Variants in AFAP1L2 observed in about 807,000 individuals in gnomAD.
The protein encoded by AFAP1L2 is actin filament associated protein 1 like 2, also known as actin filament-associated protein 1-like 2.
AFAP1L2 carries 46 observed loss-of-function variants against 99.3 expected under a neutral mutation model. The ratio of observed to expected loss-of-function variants is 0.46; its 90% CI spans 0.37 to 0.59. AFAP1L2 has a LOEUF of 0.59. Ranked by LOEUF, AFAP1L2 falls within the 20% of genes least tolerant of loss-of-function variation. AFAP1L2 has a pLI of 0.00. For synonymous variants in AFAP1L2, 397 were observed against 419.1 expected (o/e 0.95, Z 0.64); for missense variants, 959 against 1,034.9 (o/e 0.93, Z 1.01).
At chr10:114,349,331 T>A (rs1283716240) in intron 1 of AFAP1L2, among the ~76,000 whole-genome samples, 1 of 139,054 alleles carries the variant, frequency 7.2e-6, no homozygotes, top group African/African-American at 2.7e-5. Flanking sequence ...TGAGCCGAGA[T>A]CGCACCATTG....
chr10:114,386,540 C>A (rs1159109536), intron 1 of AFAP1L2, among the ~76,000 whole-genome samples: 1 of 152,168 alleles, frequency 6.6e-6, no homozygotes, highest in Non-Finnish European at 1.5e-5. Context: ...AGAATCAGGG[C>A]CGACAGGTGG....
At chr10:114,365,371 A>G (rs2053067920) in intron 1 of AFAP1L2, among the ~76,000 whole-genome samples, 1 of 152,234 alleles carries the variant, frequency 6.6e-6, no homozygotes, top group South Asian at 2.1e-4. Context: ...TAAATGAGGC[A>G]CCAAACTCCC....
In AFAP1L2 at chr10:114,314,024, G is replaced by T; in HGVS notation, c.639C>A (p.Ser213Arg). The part of the protein sequence containing the change: ...LLCYKSSKDH[S>R]PQLDVNLLGS... ...CCAGTAGGTTCACGTCCAGCTGAGGGCTGTGGTCCTTGGAGGATTTGTAGC... is the reference window on the plus strand; with the variant it reads ...CCAGTAGGTTCACGTCCAGCTGAGGTCTGTGGTCCTTGGAGGATTTGTAGC... Residue 213 changes from serine (S) to arginine (R), a missense_variant, in exon 7 of 19, where the codon AGC becomes AGA. This residue lies in a region of AFAP1L2 where 383 missense variants were observed against 472.8 expected (regional missense o/e 0.81). Transcript: ENST00000304129. The T allele has an allele frequency of 2.5e-6, 4 of 1,613,250 alleles. No homozygotes were observed. The highest frequency in any genetic ancestry group is 3.4e-6 in the Non-Finnish European group (4 of 1,179,348).
chr10:114,340,566 C>T lies in AFAP1L2; in HGVS notation c.145+37G>A, dbSNP rs189197711. The T allele has an allele frequency of 6.0e-5, 96 of 1,595,360 alleles. No homozygotes were observed. In the Admixed American group the frequency reaches 6.8e-4, roughly 11 times the overall value. ...ACTGACTCACAACCATCTCTTTTGGCGTGGAGGCCTCTGCACCACCCAGGG... is the reference window on the plus strand; with the variant it reads ...ACTGACTCACAACCATCTCTTTTGGTGTGGAGGCCTCTGCACCACCCAGGG... On this transcript the variant is annotated intron_variant, in intron 2 of 18. Coordinates refer to ENST00000304129, the MANE Select transcript of AFAP1L2 (RefSeq NM_001001936.3).
In AFAP1L2 at chr10:114,333,395, G is replaced by T. The variant is rs1311459346; in HGVS notation, c.146-100C>A. The T allele has an allele frequency of 7.9e-6, 7 of 887,030 alleles. No individual in the cohort carries two copies. The Admixed American group carries it at 8.1e-5, about 10-fold the overall frequency. The allele number at this position is 887,030 out of a possible 1,614,324, so 54.9% of individuals were successfully genotyped here. A position where few individuals can be genotyped will look rare whatever the true frequency, so the allele number is the denominator to read the frequency against. On this transcript the variant is annotated intron_variant, in intron 2 of 18. Coordinates refer to ENST00000304129, the MANE Select transcript of AFAP1L2 (RefSeq NM_001001936.3). ...TCCAGAGCTGTTTTCATCTGCCTAG[G>T]TTCCAGTAAAAGCACACAGCATTTT...
chr10:114,315,662 G>C lies in AFAP1L2; in HGVS notation c.510C>G (p.Ile170Met), dbSNP rs754237040. 1.2e-6 allele frequency: 2 copies of C among 1,613,930 alleles called. No homozygotes were observed. Among genetic ancestry groups the C allele is most frequent in the Non-Finnish European group, 1.7e-6 (2 of 1,179,992 alleles). The change falls in exon 6 of 19, where the codon ATC becomes ATG. Residue 170 changes from isoleucine (I) to methionine (M), a missense_variant. Around this residue, in one of 2 missense-constraint regions of AFAP1L2, gnomAD observed 383 missense variants for 472.8 expected, o/e 0.81. Transcript: ENST00000304129. ...PYQWPSPEAG[I>M]ELMRDARICA... ...AGATGCGGGCGTCACGCATCAGCTC[G>C]ATGCCGGCCTCCGGCGAGGGCCACT...
At chr10:114,298,304 G>A (rs2040578353) in intron 16 of AFAP1L2, among the ~76,000 whole-genome samples, 1 of 152,124 alleles carries the variant, frequency 6.6e-6, no homozygotes, top group Non-Finnish European at 1.5e-5. Context: ...CTTGAACCCA[G>A]GAGGCAGAGG....
chr10:114,384,346 G>A (rs1158385084), intron 1 of AFAP1L2, among the ~76,000 whole-genome samples: 1 of 150,720 alleles, frequency 6.6e-6, no homozygotes, highest in African/African-American at 2.5e-5. Context: ...TGCAAGTGAT[G>A]AACCAACTTC....
chr10:114,358,684 G>A (rs1222188696), intron 1 of AFAP1L2, among the ~76,000 whole-genome samples: 4 of 152,188 alleles, frequency 2.6e-5, no homozygotes, highest in Non-Finnish European at 5.9e-5. Flanking sequence ...GGAGCCTGAG[G>A]TGGGTGGATC....
intron 1 of AFAP1L2, among the ~76,000 whole-genome samples, chr10:114,368,464 G>C (rs972507180): frequency 6.6e-6 from 1 of 152,142 alleles, no homozygotes; most frequent in Non-Finnish European, 1.5e-5. Context: ...CCATCACCCA[G>C]GCTGGAATGC....
chr10:114,396,977 T>C (rs1316043380), intron 1 of AFAP1L2, among the ~76,000 whole-genome samples: 1 of 152,176 alleles, frequency 6.6e-6, no homozygotes, highest in Non-Finnish European at 1.5e-5. Flanking sequence ...TCCAGAACCA[T>C]TGCAGACACA....
Position 114,313,961 on chromosome 10 carries a change from C to G in AFAP1L2, c.702G>C (p.Lys234Asn). 1 of 1,614,144 alleles carries G rather than the reference C, an allele frequency of 6.2e-7. No homozygotes were observed. Reference sequence around the variant, plus strand: ...GCGTGATCTTCAGCTTGTGCTCCTTCTTCCGCACTTGCTTCTCCTTGTGAA... The same window carrying G: ...GCGTGATCTTCAGCTTGTGCTCCTTGTTCCGCACTTGCTTCTCCTTGTGAA... ...SVIHKEKQVR[K>N]KEHKLKITPM... is the part of the protein sequence containing the mutation. Residue 234 changes from lysine to asparagine, a missense_variant, in exon 7 of 19, where the codon AAG (lysine) becomes AAC (asparagine). By Grantham distance (94) the Lys-to-Asn change is moderately conservative. This residue lies in a region of AFAP1L2 where 383 missense variants were observed against 472.8 expected (regional missense o/e 0.81). Coordinates refer to ENST00000304129, the MANE Select transcript of AFAP1L2 (RefSeq NM_001001936.3).
chr10:114,331,763 C>T, intron 4 of AFAP1L2, 40 bp downstream of exon 4: 1 of 1,292,928 alleles, frequency 7.7e-7, no homozygotes, highest in East Asian at 3.1e-5. Context: ...GTTCAAGGGG[C>T]TCACGTCAGG....
chr10:114,364,332 T>G (rs2052890661), intron 1 of AFAP1L2, among the ~76,000 whole-genome samples: 1 of 152,182 alleles, frequency 6.6e-6, no homozygotes, highest in South Asian at 2.1e-4. Context: ...ATGTTTATTC[T>G]CTCGCGGTTC....
intron 1 of AFAP1L2, among the ~76,000 whole-genome samples, chr10:114,374,428 C>T (rs148342397): frequency 1.3e-5 from 2 of 152,234 alleles, no homozygotes; most frequent in Non-Finnish European, 2.9e-5. Flanking sequence ...TTGAAGGAGC[C>T]GCAGATGCGA....
chr10:114,363,260 G>T, intron 1 of AFAP1L2: 1 of 830,322 alleles, frequency 1.2e-6, no homozygotes, highest in Non-Finnish European at 1.5e-6. Context: ...TGAGCCCACC[G>T]GCTTCTTTAC....
chr10:114,315,641 G>A lies in AFAP1L2; in HGVS notation c.531C>T (p.Arg177=), dbSNP rs1428237004. ...EAGIELMRDA[R]ICAFLWRKKW... is the part of the protein sequence containing the mutation. ...TCTTGCGCCACAGGAAGGCGCAGAT[G>A]CGGGCGTCACGCATCAGCTCGATGC... is the stretch of plus-strand genomic sequence containing the variant. The change falls in exon 6 of 19, where the codon CGC becomes CGT. Residue 177 remains arginine (R), a synonymous_variant. Transcript: ENST00000304129. The A allele has an allele frequency of 6.2e-7, 1 of 1,613,948 alleles. No individual in the cohort carries two copies. Among genetic ancestry groups the A allele is most frequent in the African/African-American group, 1.3e-5 (1 of 74,950 alleles).
intron 1 of AFAP1L2, among the ~76,000 whole-genome samples, chr10:114,382,031 A>C (rs1356452448): frequency 1.3e-5 from 2 of 152,334 alleles, no homozygotes; most frequent in East Asian, 3.9e-4. Context: ...TTGTTGATGA[A>C]GGTTTGGGGA....
At chr10:114,300,816 G>A (rs1047483369) in intron 13 of AFAP1L2, 126 bp from the exon 14 acceptor site, 29 of 1,321,724 alleles carry the variant, frequency 2.2e-5, no homozygotes, top group Non-Finnish European at 2.8e-5. Context: ...CTCCCTCCCT[G>A]CTGGGGGGGC....
Sources: gnomAD v4.1 joint callset for allele counts (sites outside exome capture counted in the v4.1 genomes callset) on GRCh38, gnomAD v4.1.1 for gene constraint, gnomAD v4.1.1 regional missense constraint, MANE v1.5 for transcripts, NCBI Gene and HGNC (gene_info 2026-07-23, HGNC 2026-07-21) for gene names.